ANXA6: variants seen among roughly 807,000 people sequenced by gnomAD.
ANXA6 encodes the protein annexin A6.
In ANXA6, 71 loss-of-function variants were observed where a neutral mutation model predicts 95.4. The observed-to-expected ratio is 0.74, with a 90% CI of 0.61 to 0.91. The LOEUF (loss-of-function observed/expected upper bound fraction) is 0.91, where lower values mean the gene tolerates loss of function less well. Among genes scored for constraint, ANXA6 ranks in the 40% least tolerant of loss-of-function variants. The pLI is 0.00. For synonymous variants in ANXA6, 289 were observed against 315.9 expected (o/e 0.91, Z 0.90); for missense variants, 830 against 876.4 (o/e 0.95, Z 0.67).
Position 151,138,729 on chromosome 5 carries a change from C to A in ANXA6, c.267G>T (p.Leu89=). The part of the protein sequence containing the change: ...TGKFERLIVG[L]MRPPAYCDAK... ...CATCACAATAGGCAGGTGGCCTCAT[C>A]AGGCCCACAATCAACCGTTCAAACT... Residue 89 remains leucine, a synonymous_variant, in exon 5 of 26, where the codon CTG becomes CTT. Transcript: ENST00000354546. The A allele has an allele frequency of 6.2e-7, 1 of 1,613,942 alleles. No individual in the cohort carries two copies. Among genetic ancestry groups the A allele is most frequent in the Non-Finnish European group, 8.5e-7 (1 of 1,179,842 alleles).
intron 2 of ANXA6, among the ~76,000 whole-genome samples, chr5:151,147,158 G>A (rs1323987871): frequency 2.6e-5 from 4 of 152,138 alleles, no homozygotes; most frequent in Admixed American, 6.5e-5. Context: ...AAGTTCTCAG[G>A]TGCCTCCAAT....
intron 11 of ANXA6, 117 bp downstream of exon 11, chr5:151,131,114 G>T: frequency 1.9e-6 from 2 of 1,049,130 alleles, no homozygotes; most frequent in Non-Finnish European, 2.9e-6. Flanking sequence ...CCTTCACCAG[G>T]GTCAGTCCTG....
Position 151,129,488 on chromosome 5 carries a change from G to A in ANXA6, c.837C>T (p.Val279=). The A allele has an allele frequency of 6.2e-7, 1 of 1,611,834 alleles. No homozygotes were observed. The highest frequency in any genetic ancestry group is 1.3e-5 in the African/African-American group (1 of 75,010). ...TRDNTLIRIM[V]SRSELDMLDI... ...CGAGCATGTCCAACTCACTACGGGA[G>A]ACCATGATGCGGATCAGGGTGTTGT... Residue 279 remains valine (V), a synonymous_variant, in exon 12 of 26, where the codon GTC becomes GTT. Coordinates refer to ENST00000354546, the MANE Select transcript of ANXA6 (RefSeq NM_001155.5).
chr5:151,102,052 G>A (rs1764564848), intron 25 of ANXA6, among the ~76,000 whole-genome samples: 1 of 152,166 alleles, frequency 6.6e-6, no homozygotes, highest in South Asian at 2.1e-4. Flanking sequence ...GCCATTGCTG[G>A]GAATGGGTAC....
intron 1 of ANXA6, among the ~76,000 whole-genome samples, chr5:151,150,346 T>C (rs1239827305): frequency 1.3e-5 from 2 of 152,308 alleles, no homozygotes; most frequent in African/African-American, 2.4e-5. Flanking sequence ...AAACTGAAGC[T>C]TTCCCTTTTC....
intron 13 of ANXA6, 55 bp downstream of exon 13, chr5:151,128,126 C>T: frequency 6.6e-7 from 1 of 1,504,814 alleles, no homozygotes. Context: ...CAGGAGAGTC[C>T]CCGCCTGGCA....
chr5:151,136,129 G>T, intron 7 of ANXA6, 127 bp downstream of exon 7: 1 of 793,942 alleles, frequency 1.3e-6, no homozygotes, highest in African/African-American at 1.7e-5. Context: ...AAGAGGATTA[G>T]CCAAATACAC....
chr5:151,117,677 G>T, intron 19 of ANXA6, 81 bp downstream of exon 19: 1 of 1,248,940 alleles, frequency 8.0e-7, no homozygotes, highest in Non-Finnish European at 1.2e-6. Flanking sequence ...TAACTCCCCT[G>T]TGCCCTCCAC....
chr5:151,154,792 G>C (rs1766194377), intron 1 of ANXA6: 1 of 152,232 alleles, frequency 6.6e-6, no homozygotes, highest in Non-Finnish European at 1.5e-5. Flanking sequence ...CTCAGGATTG[G>C]AACTAGTCTA....
At chr5:151,152,003 A>G (rs1378766944) in intron 1 of ANXA6, among the ~76,000 whole-genome samples, 1 of 152,188 alleles carries the variant, frequency 6.6e-6, no homozygotes, top group Non-Finnish European at 1.5e-5. Flanking sequence ...CCTGCAATCA[A>G]TCACGTTTTC....
chr5:151,120,139 C>T (rs914831045), intron 17 of ANXA6, among the ~76,000 whole-genome samples: 2 of 152,118 alleles, frequency 1.3e-5, no homozygotes, highest in African/African-American at 2.4e-5. Flanking sequence ...GGAATACAGA[C>T]GTGAGCCATC....
At chr5:151,134,322 AT>A (rs1469212753) in intron 8 of ANXA6, 104 bp downstream of exon 8, 1 of 1,086,850 alleles carries the variant, frequency 9.2e-7, no homozygotes, top group Non-Finnish European at 1.4e-6. Flanking sequence ...TATTTCTGGT[AT>A]TTGATGCAAA....
Position 151,136,298 on chromosome 5 carries a change from G to A in ANXA6, c.447C>T (p.Asp149=). 6.2e-7 allele frequency: 1 copy of A among 1,613,958 alleles called. No individual in the cohort carries two copies. Residue 149 remains aspartate, a synonymous_variant, in exon 7 of 26, where the codon GAC becomes GAT. Coordinates refer to ENST00000354546, the MANE Select transcript of ANXA6 (RefSeq NM_001155.5). ...GCATCTTCTGGAAGTGGCCAGAGGT[G>A]TCGCCGATGATGTCAGCCTCCAGGT... ...ERDLEADIIG[D]TSGHFQKMLV... is the part of the protein sequence containing the mutation.
intron 10 of ANXA6, 66 bp downstream of exon 10, chr5:151,132,410 C>A: frequency 8.2e-7 from 1 of 1,212,966 alleles, no homozygotes; most frequent in Non-Finnish European, 1.2e-6. Flanking sequence ...CATTCTCAGC[C>A]CCTTGTTCCT....
Position 151,101,451 on chromosome 5 carries a change from G to A in ANXA6, c.2019C>T (p.Asp673=), listed in dbSNP as rs143367664. ...KALLALCGGE[D] Reference sequence around the variant, plus strand: ...AGTGCCCGCCAAAGCTGTGGCCCTAGTCCTCACCACCACAGAGAGCCAGCA... The same window carrying A: ...AGTGCCCGCCAAAGCTGTGGCCCTAATCCTCACCACCACAGAGAGCCAGCA... The change falls in exon 26 of 26, where the codon GAC becomes GAT. Residue 673 remains aspartate, a synonymous_variant. Transcript: ENST00000354546. 2.1e-3 allele frequency: 3,316 copies of A among 1,557,626 alleles called. 8 individuals are homozygous for A. The highest frequency in any genetic ancestry group is 2.7e-3 in the Non-Finnish European group (3,052 of 1,150,812).
intron 6 of ANXA6, 109 bp downstream of exon 6, chr5:151,137,122 G>A: frequency 1.1e-6 from 1 of 922,034 alleles, no homozygotes; most frequent in Non-Finnish European, 1.7e-6. Context: ...AAATGGATCA[G>A]AGGAAAGGAG....
rs58169029 is a variant in ANXA6, at chr5:151,118,722, C to T, written c.1438+578G>A. On this transcript the variant is annotated intron_variant, in intron 18 of 25. Transcript: ENST00000354546. ...TGCTGGGATTACAGGGGTGAACCACCGCACCCAGCCAATTTTTATATTTTT... is the reference window on the plus strand; with the variant it reads ...TGCTGGGATTACAGGGGTGAACCACTGCACCCAGCCAATTTTTATATTTTT... Among the ~76,000 whole-genome samples the T allele has an allele frequency of 1.6e-4, 24 of 151,922 alleles. No individual in the cohort carries two copies. In the East Asian group the frequency reaches 2.9e-3, roughly 18 times the overall value.
chr5:151,139,866 C>T (rs755694676), intron 3 of ANXA6, among the ~76,000 whole-genome samples: 25 of 152,050 alleles, frequency 1.6e-4, no homozygotes, highest in Admixed American at 2.0e-4. Flanking sequence ...AGGCAGCGGG[C>T]GGCATTATCA....
chr5:151,110,591 G>A (rs1420195371), intron 21 of ANXA6, 36 bp downstream of exon 21: 5 of 1,611,244 alleles, frequency 3.1e-6, no homozygotes, highest in Non-Finnish European at 4.2e-6. Context: ...TTTACTCAGA[G>A]GCCGTTAAAA....
Sources: gnomAD v4.1 joint callset for allele counts (sites outside exome capture counted in the v4.1 genomes callset) on GRCh38, gnomAD v4.1.1 for gene constraint, MANE v1.5 for transcripts, NCBI Gene and HGNC (gene_info 2026-07-23, HGNC 2026-07-21) for gene names.